Variants in ARHGEF7 observed in about 807,000 individuals in gnomAD.
ARHGEF7 encodes the protein Rho guanine nucleotide exchange factor 7.
ARHGEF7 carries 33 observed loss-of-function variants against 109.8 expected under a neutral mutation model. The ratio of observed to expected loss-of-function variants is 0.30; its 90% CI spans 0.23 to 0.40. The LOEUF (loss-of-function observed/expected upper bound fraction) is 0.40. ARHGEF7 is among the 10% of genes least tolerant of loss of function. The pLI is 1.00. For synonymous variants in ARHGEF7, 458 were observed against 424.6 expected (o/e 1.08, Z -0.97); for missense variants, 938 against 1,098.5 (o/e 0.85, Z 2.07).
intron 2 of ARHGEF7, among the ~76,000 whole-genome samples, chr13:111,188,355 C>G (rs1170846699): frequency 6.6e-6 from 1 of 152,190 alleles, no homozygotes. Context: ...ATAACAGATG[C>G]TTGTTGTTTG....
At chr13:111,125,563 C>T (rs1181529045) in intron 1 of ARHGEF7, among the ~76,000 whole-genome samples, 2 of 152,204 alleles carry the variant, frequency 1.3e-5, no homozygotes, top group African/African-American at 2.4e-5. Flanking sequence ...TGCGTGTTCT[C>T]TCGCCATGAA....
chr13:111,254,560 C>T (rs1404277341), intron 8 of ARHGEF7, among the ~76,000 whole-genome samples: 2 of 149,630 alleles, frequency 1.3e-5, no homozygotes, highest in African/African-American at 5.0e-5. Context: ...GGCTAAGGCG[C>T]TGAGTCACTA....
intron 17 of ARHGEF7, among the ~76,000 whole-genome samples, chr13:111,286,560 C>T (rs2093029012): frequency 6.6e-6 from 1 of 152,176 alleles, no homozygotes; most frequent in African/African-American, 2.4e-5. Context: ...AGATATTCCA[C>T]CCACACTTCC....
chr13:111,293,190 C>A, intron 19 of ARHGEF7: 2 of 985,414 alleles, frequency 2.0e-6, no homozygotes, highest in African/African-American at 3.5e-5. Context: ...GACTACTGGA[C>A]TGTAGTAGAG....
At chr13:111,244,624 T>C (rs928441818) in intron 8 of ARHGEF7, among the ~76,000 whole-genome samples, 2 of 152,220 alleles carry the variant, frequency 1.3e-5, no homozygotes, top group Non-Finnish European at 2.9e-5. Context: ...TTGTGTGCCC[T>C]GAGTGCTGCG....
chr13:111,183,287 G>A (rs1377931540), intron 2 of ARHGEF7, among the ~76,000 whole-genome samples: 2 of 151,878 alleles, frequency 1.3e-5, no homozygotes, highest in Non-Finnish European at 2.9e-5. Flanking sequence ...TAGAAATTAA[G>A]TGCAGAAGGC....
At chr13:111,121,010 A>G (rs1357838801) in intron 1 of ARHGEF7, among the ~76,000 whole-genome samples, 9 of 152,248 alleles carry the variant, frequency 5.9e-5, no homozygotes. Context: ...AGATCAGGAA[A>G]GGAGACGGAG....
chr13:111,294,534 C>G, intron 19 of ARHGEF7: 1 of 985,440 alleles, frequency 1.0e-6, no homozygotes. Context: ...GATGCTTTTT[C>G]TTGATGCTAA....
chr13:111,132,960 A>G (rs1003597937), intron 1 of ARHGEF7, among the ~76,000 whole-genome samples: 1 of 152,118 alleles, frequency 6.6e-6, no homozygotes, highest in Non-Finnish European at 1.5e-5. Context: ...ATGCATATAC[A>G]CACATGCATC....
intron 4 of ARHGEF7, among the ~76,000 whole-genome samples, chr13:111,212,193 GC>G (rs2082580656): frequency 6.6e-6 from 1 of 152,200 alleles, no homozygotes; most frequent in Admixed American, 6.5e-5. Flanking sequence ...GTTTGATGTT[GC>G]GTTTACTGCT....
At chr13:111,256,591 C>T (rs570412724) in intron 8 of ARHGEF7, among the ~76,000 whole-genome samples, 12 of 152,190 alleles carry the variant, frequency 7.9e-5, no homozygotes, top group Non-Finnish European at 1.3e-4. Context: ...CTTTAGTTGG[C>T]GTGCTTCAGG....
At chr13:111,260,472 G>T (rs2090968040) in intron 8 of ARHGEF7, among the ~76,000 whole-genome samples, 6 of 152,114 alleles carry the variant, frequency 3.9e-5, no homozygotes, top group Admixed American at 2.6e-4. Context: ...TATTTAAATT[G>T]CTGAAAGCAA....
intron 4 of ARHGEF7, among the ~76,000 whole-genome samples, chr13:111,214,444 A>C (rs1356560011): frequency 6.6e-6 from 1 of 152,216 alleles, no homozygotes; most frequent in East Asian, 1.9e-4. Flanking sequence ...GGGTGCATGC[A>C]CTGTGAGCCT....
intron 2 of ARHGEF7, among the ~76,000 whole-genome samples, chr13:111,167,027 G>A (rs532560330): frequency 3.3e-5 from 5 of 152,292 alleles, no homozygotes; most frequent in South Asian, 4.1e-4. Context: ...TTTTAGGCCC[G>A]CTAGACGTGC....
Position 111,221,342 on chromosome 13 carries a change from T to G in ARHGEF7, c.670+3462T>G, listed in dbSNP as rs1209246987. 1.5e-4 allele frequency among the ~76,000 whole-genome samples: 2 copies of G among 13,028 alleles called. 1 individual carries two copies. Among genetic ancestry groups the G allele is most frequent in the African/African-American group, 3.8e-4 (2 of 5,246 alleles). 8.5% of individuals were successfully genotyped at this position (13,028 alleles called of 152,430 possible). On this transcript the variant is annotated intron_variant, in intron 5 of 21. Transcript: ENST00000646102. ...ATAGATATATATGTCTATATATATC[T>G]ATATATATGTCTATATATATATCTA... is the stretch of plus-strand genomic sequence containing the variant.
At chr13:111,207,236 T>G (rs2082002374) in intron 3 of ARHGEF7, among the ~76,000 whole-genome samples, 1 of 152,196 alleles carries the variant, frequency 6.6e-6, no homozygotes, top group South Asian at 2.1e-4. Flanking sequence ...TGGTGTGATC[T>G]CAGCTCACTG....
chr13:111,244,461 T>C (rs1362365472), intron 8 of ARHGEF7, among the ~76,000 whole-genome samples, 167 bp downstream of exon 8: 1 of 152,216 alleles, frequency 6.6e-6, no homozygotes, highest in Non-Finnish European at 1.5e-5. Flanking sequence ...TTTTAGACTG[T>C]CTAGTTTGTA....
At chr13:111,210,669 G>C (rs2153476475) in intron 4 of ARHGEF7, among the ~76,000 whole-genome samples, 1 of 152,340 alleles carries the variant, frequency 6.6e-6, no homozygotes, top group Non-Finnish European at 1.5e-5. Context: ...TAGAGTGTTG[G>C]GGCAGAGCCA....
chr13:111,147,610 G>C (rs58792181), intron 1 of ARHGEF7, among the ~76,000 whole-genome samples: 19,313 of 150,614 alleles, frequency 0.13, 1,371 homozygotes, highest in Middle Eastern at 0.15. Flanking sequence ...CCATCCTTGA[G>C]AACACCCTGG....
Sources: gnomAD v4.1 joint callset for allele counts (sites outside exome capture counted in the v4.1 genomes callset) on GRCh38, gnomAD v4.1.1 for gene constraint, MANE v1.5 for transcripts, NCBI Gene and HGNC (gene_info 2026-07-23, HGNC 2026-07-21) for gene names.